Variants in TCTN3 observed in about 807,000 individuals in gnomAD.
TCTN3 encodes the protein tectonic family member 3.
A neutral mutation model predicts 71.3 loss-of-function variants in TCTN3; 57 were observed. The observed-to-expected ratio is 0.80, with a 90% confidence interval of 0.65 to 1.00. The LOEUF is 1.00. Ranked by LOEUF, TCTN3 falls within the 50% of genes least tolerant of loss-of-function variation. The probability of loss-of-function intolerance (pLI) is 0.00; values close to 1 mark genes in which losing one functional copy is unlikely to be tolerated. For missense variants in TCTN3, 696 were observed against 719.9 expected, an observed-to-expected ratio of 0.97 and a Z score of 0.38; for synonymous variants, 258 against 267.8, an observed-to-expected ratio of 0.96 and a Z score of 0.36.
In TCTN3 at chr10:95,687,636, A is replaced by C; in HGVS notation, c.583T>G (p.Phe195Val). The C allele has an allele frequency of 6.2e-7, 1 of 1,614,204 alleles. No individual in the cohort carries two copies. Among genetic ancestry groups the C allele is most frequent in the Non-Finnish European group, 8.5e-7 (1 of 1,180,020 alleles). ...ALAAEFGGESFTSTFQTQSPP... is the reference protein window; with the variant it reads ...ALAAEFGGESVTSTFQTQSPP... Reference sequence around the variant, plus strand: ...GATTGAGTTTGGAATGTTGAAGTGAATGATTCGCCTCCAAACTCTGCAGCC... The same window carrying C: ...GATTGAGTTTGGAATGTTGAAGTGACTGATTCGCCTCCAAACTCTGCAGCC... Residue 195 changes from phenylalanine to valine, a missense_variant, in exon 4 of 14, where the codon TTC becomes GTC. Transcript: ENST00000371217.
intron 6 of TCTN3, 107 bp from the exon 7 acceptor site, chr10:95,686,637 G>T: frequency 9.5e-7 from 1 of 1,047,554 alleles, no homozygotes; most frequent in Non-Finnish European, 1.4e-6. Flanking sequence ...GGGCAGGGGA[G>T]TCAATATATT....
At chr10:95,684,227 A>C (rs553494490) in intron 9 of TCTN3, among the ~76,000 whole-genome samples, 1 of 152,360 alleles carries the variant, frequency 6.6e-6, no homozygotes, top group South Asian at 2.1e-4. Flanking sequence ...ATGATTCAAA[A>C]TGACTATAAA....
intron 3 of TCTN3, 45 bp downstream of exon 3, chr10:95,692,875 A>C (rs2097954837): frequency 2.8e-6 from 4 of 1,423,990 alleles, no homozygotes; most frequent in Non-Finnish European, 4.0e-6. Context: ...AAAATATAAC[A>C]CTCCTGTGTT....
Position 95,683,088 on chromosome 10 carries a change from A to G in TCTN3, c.1298+13T>C. The G allele has an allele frequency of 6.2e-7, 1 of 1,608,286 alleles. No individual in the cohort carries two copies. Among genetic ancestry groups the G allele is most frequent in the Middle Eastern group, 1.7e-4 (1 of 6,052 alleles). On this transcript the variant is annotated intron_variant, in intron 11 of 13. Transcript: ENST00000371217. ...CCGAAATTGCAGGAAATGATGCGGA[A>G]GCAAAGAACTACCTGAGCTTGCATC...
chr10:95,669,268 T>C (rs2097928548), intron 13 of TCTN3, among the ~76,000 whole-genome samples: 1 of 152,228 alleles, frequency 6.6e-6, no homozygotes, highest in African/African-American at 2.4e-5. Context: ...ATTGTGTATT[T>C]CAAAATAGCT....
In TCTN3 at chr10:95,680,160, G is replaced by A. The variant is rs561260013; in HGVS notation, c.1590+312C>T. ...GCTGACAGATTGAACAATTATGGAA[G>A]GTGTTTTCTGTGGTTGAATCAATCA... On this transcript the variant is annotated intron_variant, in intron 13 of 13. Coordinates refer to ENST00000371217, the MANE Select transcript of TCTN3 (RefSeq NM_015631.6). Among the ~76,000 whole-genome samples, 3 of 152,112 alleles carry A rather than the reference G, an allele frequency of 2.0e-5. No homozygotes were observed. The South Asian group carries it at 6.2e-4, about 32-fold the overall frequency.
chr10:95,679,583 CTTTTTTTT>C (rs201828119), intron 13 of TCTN3, among the ~76,000 whole-genome samples: 3 of 96,450 alleles, frequency 3.1e-5, no homozygotes, highest in Admixed American at 2.5e-4. Flanking sequence ...CTAGTCATTT[CTTTTTTTT>C]TTTTTTTTTT....
chr10:95,681,275 C>T (rs1192675320), intron 12 of TCTN3, among the ~76,000 whole-genome samples: 1 of 152,034 alleles, frequency 6.6e-6, no homozygotes, highest in Admixed American at 6.6e-5. Context: ...AGAGTTTCAC[C>T]ATGTTGGTCA....
At chr10:95,673,776 G>T (rs184262477) in intron 13 of TCTN3, among the ~76,000 whole-genome samples, 1 of 152,256 alleles carries the variant, frequency 6.6e-6, no homozygotes, top group Non-Finnish European at 1.5e-5. Flanking sequence ...GGAATTCGAG[G>T]CTGCAGTGAA....
At chr10:95,676,129 T>C (rs559948683) in intron 13 of TCTN3, among the ~76,000 whole-genome samples, 86 of 152,282 alleles carry the variant, frequency 5.6e-4, no homozygotes, top group African/African-American at 1.9e-3. Context: ...CAATTAGTTA[T>C]GAAATATAGT....
At chr10:95,678,425 C>T (rs2097939572) in intron 13 of TCTN3, among the ~76,000 whole-genome samples, 1 of 151,134 alleles carries the variant, frequency 6.6e-6, no homozygotes, top group Admixed American at 6.6e-5. Context: ...CCCAGCTACT[C>T]GGAAGGCTGA....
In TCTN3 at chr10:95,679,858, G is replaced by A. The variant is rs2097941173; in HGVS notation, c.1590+614C>T. 2.0e-5 allele frequency among the ~76,000 whole-genome samples: 3 copies of A among 151,976 alleles called. No individual in the cohort carries two copies. In the South Asian group the frequency reaches 6.2e-4, roughly 32 times the overall value. ...GCCCGCCTCGGCCTCCCAAAGTGCT[G>A]GGATTACAGGCGTGAGCCACCGCGC... On this transcript the variant is annotated intron_variant, in intron 13 of 13. Transcript: ENST00000371217.
intron 13 of TCTN3, among the ~76,000 whole-genome samples, chr10:95,672,709 T>TTG: frequency 6.7e-6 from 1 of 149,196 alleles, no homozygotes; most frequent in Non-Finnish European, 1.5e-5. Context: ...TTTTTTTTTT[T>TTG]TAAGATGGAG....
At position 95,687,799 on chromosome 10, in the gene TCTN3, T is replaced by G. The variant is rs1343333174; in HGVS notation, c.500-80A>C. ...AACTAATTTTAAAAAATATTTTTAT[T>G]GAAGCATAATATACAGGGTGCAAAT... is the stretch of plus-strand genomic sequence containing the variant. On this transcript the variant is annotated intron_variant, in intron 3 of 13. Transcript: ENST00000371217. 2.2e-5 allele frequency: 33 copies of G among 1,500,118 alleles called. No homozygotes were observed. In the Admixed American group the frequency reaches 6.3e-4, roughly 29 times the overall value. 92.9% of individuals were successfully genotyped at this position (1,500,118 alleles called of 1,614,324 possible).
rs1460496044 is a variant in TCTN3, at chr10:95,693,823, G to T, written c.77C>A (p.Ser26Tyr). Residue 26 changes from serine (S) to tyrosine (Y), a missense_variant, in exon 1 of 14, where the codon TCC becomes TAC. Coordinates refer to ENST00000371217, the MANE Select transcript of TCTN3 (RefSeq NM_015631.6). ...FPDGVRPQPS[S>Y]SPSGAVPTSL... ...CGTGGGCACTGCCCCTGATGGGGAG[G>T]AAGAGGGCTGAGGCCGGACGCCATC... 1.3e-6 allele frequency: 2 copies of T among 1,551,636 alleles called. No homozygotes were observed. The highest frequency in any genetic ancestry group is 4.9e-5 in the East Asian group (2 of 40,932).
intron 12 of TCTN3, among the ~76,000 whole-genome samples, chr10:95,682,262 C>T (rs2097943747): frequency 6.6e-6 from 1 of 151,464 alleles, no homozygotes; most frequent in Admixed American, 6.6e-5. Flanking sequence ...GAGGCCGAGG[C>T]AGGCGGATCA....
At chr10:95,675,932 T>C (rs1479199582) in intron 13 of TCTN3, among the ~76,000 whole-genome samples, 3 of 152,240 alleles carry the variant, frequency 2.0e-5, no homozygotes, top group Non-Finnish European at 4.4e-5. Context: ...ATAAGGAATG[T>C]TGCATGTCTG....
intron 13 of TCTN3, among the ~76,000 whole-genome samples, chr10:95,668,017 T>C (rs375960246): frequency 6.6e-6 from 1 of 151,866 alleles, no homozygotes; most frequent in Non-Finnish European, 1.5e-5. Flanking sequence ...AAGATGAAGA[T>C]GCAAAGTTGT....
intron 13 of TCTN3, among the ~76,000 whole-genome samples, chr10:95,671,266 A>T (rs187290729): frequency 1.3e-5 from 2 of 152,196 alleles, no homozygotes; most frequent in South Asian, 2.1e-4. Flanking sequence ...TGGTTGACTT[A>T]ATTTATTTCT....
Sources: gnomAD v4.1 joint callset for allele counts (sites outside exome capture counted in the v4.1 genomes callset) on GRCh38, gnomAD v4.1.1 for gene constraint, MANE v1.5 for transcripts, NCBI Gene and HGNC (gene_info 2026-07-23, HGNC 2026-07-21) for gene names.